Variants in XRCC4 observed in about 807,000 individuals in gnomAD.
XRCC4 encodes the protein X-ray repair cross complementing 4.
Under a neutral mutation model 39.1 loss-of-function variants are expected in XRCC4, and 28 were observed. The observed-to-expected ratio is 0.72, with a 90% CI of 0.53 to 0.98. The LOEUF is 0.98. XRCC4 is among the 50% of genes least tolerant of loss of function. The pLI is 0.00. For synonymous variants in XRCC4, 123 were observed against 126.4 expected (o/e 0.97, Z 0.18); for missense variants, 350 against 376.4 (o/e 0.93, Z 0.58).
At chr5:83,370,755 A>T in the XRCC4 span, among the ~76,000 whole-genome samples, 3 of 152,076 alleles carry the variant, frequency 2.0e-5, no homozygotes, top group Non-Finnish European at 4.4e-5. Flanking sequence ...CCATCTTCAA[A>T]TTCTATCGTT....
chr5:83,102,707 C>T (rs966399306), intron 1 of XRCC4, among the ~76,000 whole-genome samples: 8 of 151,994 alleles, frequency 5.3e-5, no homozygotes, highest in Non-Finnish European at 8.8e-5. Flanking sequence ...AACAACAGCT[C>T]CTTATCTGGC....
intron 7 of XRCC4, among the ~76,000 whole-genome samples, chr5:83,321,402 A>G (rs1004192222): frequency 6.6e-6 from 1 of 152,176 alleles, no homozygotes. Context: ...AGCAGAATAC[A>G]TCAAGAAAAT....
chr5:83,309,382 C>G (rs1561467804), intron 7 of XRCC4, among the ~76,000 whole-genome samples: 1 of 140,124 alleles, frequency 7.1e-6, no homozygotes, highest in Non-Finnish European at 1.5e-5. Context: ...GAAATTTTCA[C>G]TGGGCTTTAT....
At chr5:83,149,970 G>T (rs1041012596) in intron 3 of XRCC4, among the ~76,000 whole-genome samples, 1 of 152,040 alleles carries the variant, frequency 6.6e-6, no homozygotes, top group Admixed American at 6.6e-5. Flanking sequence ...ACTTAGAAGA[G>T]AATTTTTCCA....
At chr5:83,246,648 A>T (rs1255084194) in intron 6 of XRCC4, among the ~76,000 whole-genome samples, 4 of 152,268 alleles carry the variant, frequency 2.6e-5, no homozygotes, top group African/African-American at 7.2e-5. Context: ...TTATAAATTT[A>T]AAAATGTGAG....
intron 7 of XRCC4, among the ~76,000 whole-genome samples, chr5:83,329,824 G>A (rs1756382235): frequency 6.6e-6 from 1 of 152,086 alleles, no homozygotes; most frequent in African/African-American, 2.4e-5. Context: ...GAGGAACTAA[G>A]GAAGAAGCCT....
chr5:83,127,592 A>G (rs1747333128), intron 3 of XRCC4, among the ~76,000 whole-genome samples: 2 of 151,840 alleles, frequency 1.3e-5, no homozygotes, highest in Non-Finnish European at 2.9e-5. Flanking sequence ...AGTCTTGGGT[A>G]TGTCTTTATC....
the XRCC4 span, among the ~76,000 whole-genome samples, chr5:83,371,396 T>A: frequency 6.6e-6 from 1 of 152,220 alleles, no homozygotes; most frequent in South Asian, 2.1e-4. Flanking sequence ...GTCTTTCTTT[T>A]TTACTGTTCC....
intron 3 of XRCC4, among the ~76,000 whole-genome samples, chr5:83,114,075 C>T (rs1746587163): frequency 6.6e-6 from 1 of 152,194 alleles, no homozygotes; most frequent in Non-Finnish European, 1.5e-5. Flanking sequence ...TGTACCTTTG[C>T]CTGTTTTAGC....
chr5:83,286,510 C>T (rs1754738188), intron 7 of XRCC4, among the ~76,000 whole-genome samples: 1 of 152,110 alleles, frequency 6.6e-6, no homozygotes, highest in South Asian at 2.1e-4. Context: ...TGGCTGGAAA[C>T]TCAAATAGGA....
chr5:83,347,632 C>T (rs1209438654), intron 7 of XRCC4, among the ~76,000 whole-genome samples: 1 of 152,218 alleles, frequency 6.6e-6, no homozygotes, highest in Non-Finnish European at 1.5e-5. Flanking sequence ...TACACTTCAA[C>T]ATGAGATTTG....
At chr5:83,205,200 TGAG>T (rs1050155337) in intron 6 of XRCC4, among the ~76,000 whole-genome samples, 5 of 152,042 alleles carry the variant, frequency 3.3e-5, no homozygotes, top group African/African-American at 9.7e-5. Context: ...GCATAAGCAA[TGAG>T]GAAGAAACAC....
chr5:83,344,090 G>A (rs1255773329), intron 7 of XRCC4, among the ~76,000 whole-genome samples: 1 of 150,026 alleles, frequency 6.7e-6, no homozygotes, highest in Non-Finnish European at 1.5e-5. Context: ...AGATCCAAAA[G>A]TATTATGTAT....
At chr5:83,338,786 A>G (rs1173012186) in intron 7 of XRCC4, among the ~76,000 whole-genome samples, 1 of 152,206 alleles carries the variant, frequency 6.6e-6, no homozygotes, top group Non-Finnish European at 1.5e-5. Flanking sequence ...AAATGTATAT[A>G]GTGTGTTCAG....
chr5:83,301,140 T>C (rs1755270448), intron 7 of XRCC4, among the ~76,000 whole-genome samples: 1 of 152,326 alleles, frequency 6.6e-6, no homozygotes, highest in Admixed American at 6.5e-5. Flanking sequence ...TTCTGGATCC[T>C]TGATGAATCG....
chr5:83,122,790 C>T (rs1747072046), intron 3 of XRCC4, among the ~76,000 whole-genome samples: 1 of 152,040 alleles, frequency 6.6e-6, no homozygotes. Context: ...TTTTAGTCCT[C>T]ACCCTTGAAT....
chr5:83,088,237 C>G (rs1030175990), intron 1 of XRCC4, among the ~76,000 whole-genome samples: 2 of 152,010 alleles, frequency 1.3e-5, no homozygotes, highest in African/African-American at 4.8e-5. Context: ...TCTATACTAC[C>G]TTGTATATAT....
intron 6 of XRCC4, among the ~76,000 whole-genome samples, chr5:83,235,362 G>GAAAAAAAAA (rs1752650051): frequency 7.0e-6 from 1 of 142,662 alleles, no homozygotes. Context: ...AAGAAAGAAA[G>GAAAAAAAAA]GAAAAAAAAA....
intron 6 of XRCC4, among the ~76,000 whole-genome samples, chr5:83,238,448 C>A (rs7714542): frequency 0.19 from 28,497 of 152,006 alleles, 5,971 homozygotes; most frequent in African/African-American, 0.52. Context: ...ATTTGGATGA[C>A]GCTGCTGTAT....
Sources: allele counts gnomAD v4.1 joint callset (sites outside exome capture counted in the v4.1 genomes callset), GRCh38; gene constraint gnomAD v4.1.1; transcripts MANE v1.5; gene names NCBI Gene and HGNC (gene_info 2026-07-23, HGNC 2026-07-21).